DOK6: variants seen among roughly 807,000 people sequenced by gnomAD.
The protein encoded by DOK6 is docking protein 6.
Under a neutral mutation model 44.0 loss-of-function variants are expected in DOK6, and 22 were observed. That is an observed-to-expected ratio of 0.50 (90% confidence interval 0.36 to 0.71). DOK6 has a LOEUF of 0.71. Ranked by LOEUF, DOK6 falls within the 30% of genes least tolerant of loss-of-function variation. The pLI is 0.00. For missense variants in DOK6, 340 were observed against 416.4 expected (o/e 0.82, Z 1.60); for synonymous variants, 166 against 145.5 (o/e 1.14, Z -1.01).
At chr18:69,414,242 A>G (rs1452235553) in intron 1 of DOK6, among the ~76,000 whole-genome samples, 1 of 152,110 alleles carries the variant, frequency 6.6e-6, no homozygotes, top group Non-Finnish European at 1.5e-5. Flanking sequence ...CTGGACATTC[A>G]TGTCAGAGGA....
intron 1 of DOK6, among the ~76,000 whole-genome samples, chr18:69,410,115 T>C (rs1415527318): frequency 6.6e-6 from 1 of 152,230 alleles, no homozygotes; most frequent in Non-Finnish European, 1.5e-5. Flanking sequence ...AAATATACTA[T>C]TCTAGACATT....
chr18:69,434,226 A>G (rs551342723), intron 1 of DOK6, among the ~76,000 whole-genome samples: 150 of 152,298 alleles, frequency 9.8e-4, no homozygotes, highest in African/African-American at 1.4e-3. Flanking sequence ...CCATTCCACA[A>G]ATACCTATTG....
intron 7 of DOK6, among the ~76,000 whole-genome samples, chr18:69,761,839 G>C (rs548972132): frequency 6.6e-6 from 1 of 152,204 alleles, no homozygotes; most frequent in South Asian, 2.1e-4. Flanking sequence ...AAATATGTTA[G>C]CAGTGGCAGA....
chr18:69,467,439 A>G (rs115184603), intron 1 of DOK6, among the ~76,000 whole-genome samples: 114 of 152,268 alleles, frequency 7.5e-4, no homozygotes, highest in African/African-American at 2.7e-3. Flanking sequence ...TGAATCAGGA[A>G]TATAGTCCTA....
At chr18:69,535,176 T>C (rs1179962143) in intron 1 of DOK6, among the ~76,000 whole-genome samples, 2 of 152,148 alleles carry the variant, frequency 1.3e-5, no homozygotes, top group Non-Finnish European at 2.9e-5. Flanking sequence ...TCACCGTACG[T>C]TGTGCATGTA....
chr18:69,568,756 G>A lies in DOK6; in HGVS notation c.174+4162G>A, dbSNP rs143190210. Among the ~76,000 whole-genome samples, 966 of 152,112 alleles carry A rather than the reference G, an allele frequency of 6.4e-3. 12 individuals are homozygous for A. Among genetic ancestry groups the A allele is most frequent in the African/African-American group, 0.022 (930 of 41,470 alleles). ...CCTGAGCTCCACCTCCTGTCAGATC[G>A]GTGGCAGCATTACATTCTCATAGGA... On this transcript the variant is annotated intron_variant, in intron 2 of 7. Transcript: ENST00000382713.
chr18:69,525,193 T>C (rs961050175), intron 1 of DOK6, among the ~76,000 whole-genome samples: 1 of 151,888 alleles, frequency 6.6e-6, no homozygotes, highest in African/African-American at 2.4e-5. Flanking sequence ...GTAATTATAC[T>C]TCAGATTTTT....
chr18:69,733,312 G>A (rs1224378780), intron 5 of DOK6, among the ~76,000 whole-genome samples: 7 of 151,942 alleles, frequency 4.6e-5, no homozygotes, highest in East Asian at 3.9e-4. Context: ...TTCACTTCAC[G>A]CCCAATAAAT....
At chr18:69,460,954 A>G (rs1979771821) in intron 1 of DOK6, among the ~76,000 whole-genome samples, 1 of 152,196 alleles carries the variant, frequency 6.6e-6, no homozygotes, top group Non-Finnish European at 1.5e-5. Flanking sequence ...CGTGCAAAAT[A>G]ATATGGTACT....
chr18:69,466,256 A>T (rs1009623796), intron 1 of DOK6, among the ~76,000 whole-genome samples: 29 of 152,178 alleles, frequency 1.9e-4, no homozygotes, highest in African/African-American at 6.3e-4. Flanking sequence ...TATGAGTGAG[A>T]TCATGCAGCA....
intron 3 of DOK6, 38 bp downstream of exon 3, chr18:69,599,536 G>T: frequency 6.4e-7 from 1 of 1,561,740 alleles, no homozygotes; most frequent in Non-Finnish European, 8.8e-7. Context: ...TGAGGAAATT[G>T]AGCTGCTTGT....
intron 6 of DOK6, among the ~76,000 whole-genome samples, chr18:69,741,363 T>C (rs1978792293): frequency 6.6e-6 from 1 of 152,236 alleles, no homozygotes; most frequent in Non-Finnish European, 1.5e-5. Flanking sequence ...TAAACTGAAC[T>C]AATCCTTTCC....
At chr18:69,570,251 GA>G (rs894294952) in intron 2 of DOK6, among the ~76,000 whole-genome samples, 1 of 151,874 alleles carries the variant, frequency 6.6e-6, no homozygotes, top group African/African-American at 2.4e-5. Context: ...GCAAAAAGGA[GA>G]AAAAAGAGAA....
intron 5 of DOK6, among the ~76,000 whole-genome samples, chr18:69,705,461 T>C (rs1215893126): frequency 6.6e-6 from 1 of 152,208 alleles, no homozygotes; most frequent in Non-Finnish European, 1.5e-5. Flanking sequence ...GAAAGGTGCC[T>C]TGACTTTGTC....
chr18:69,750,540 C>T (rs989557458), intron 6 of DOK6, among the ~76,000 whole-genome samples: 1 of 152,110 alleles, frequency 6.6e-6, no homozygotes. Context: ...TTCTCATACG[C>T]ATCAGAATGG....
At chr18:69,751,541 AT>A in intron 6 of DOK6, among the ~76,000 whole-genome samples, 1 of 152,310 alleles carries the variant, frequency 6.6e-6, no homozygotes, top group Non-Finnish European at 1.5e-5. Context: ...TATTATGTGT[AT>A]ATTTGAGTGT....
At chr18:69,791,311 T>A (rs1980590133) in intron 7 of DOK6, among the ~76,000 whole-genome samples, 1 of 152,190 alleles carries the variant, frequency 6.6e-6, no homozygotes, top group African/African-American at 2.4e-5. Flanking sequence ...TACTTTTGGT[T>A]CTTTGAGGAA....
chr18:69,630,116 GT>G (rs888299659), intron 3 of DOK6, among the ~76,000 whole-genome samples: 2 of 151,904 alleles, frequency 1.3e-5, no homozygotes, highest in Non-Finnish European at 2.9e-5. Context: ...TTTGATGGTA[GT>G]TTTTTTTAAC....
intron 6 of DOK6, among the ~76,000 whole-genome samples, chr18:69,747,606 C>A (rs985653190): frequency 1.7e-4 from 26 of 151,158 alleles, no homozygotes; most frequent in African/African-American, 5.8e-4. Flanking sequence ...CCCTCCCCCC[C>A]ACAGAAGATA....
Sources: allele counts gnomAD v4.1 joint callset (sites outside exome capture counted in the v4.1 genomes callset), GRCh38; gene constraint gnomAD v4.1.1; transcripts MANE v1.5; gene names NCBI Gene and HGNC (gene_info 2026-07-23, HGNC 2026-07-21).